The following ADAMTS9 variants were observed in gnomAD, a reference collection of about 807,000 sequenced individuals.
ADAMTS9 encodes the protein ADAM metallopeptidase with thrombospondin type 1 motif 9, also known as A disintegrin and metalloproteinase with thrombospondin motifs 9.
In ADAMTS9, 107 loss-of-function variants were observed where a neutral mutation model predicts 257.1. The ratio of observed to expected loss-of-function variants is 0.42; its 90% CI spans 0.36 to 0.49. The LOEUF (loss-of-function observed/expected upper bound fraction) is 0.49, where lower values mean the gene tolerates loss of function less well. Ranked by LOEUF, ADAMTS9 falls within the 20% of genes least tolerant of loss-of-function variation. The probability of loss-of-function intolerance (pLI) is 0.03; values close to 1 mark genes in which losing one functional copy is unlikely to be tolerated. For synonymous variants in ADAMTS9, 982 were observed against 880.9 expected, an observed-to-expected ratio of 1.11 and a Z score of -2.03; for missense variants, 2,353 against 2,469.1, an observed-to-expected ratio of 0.95 and a Z score of 1.00.
At chr3:64,523,751 T>A (rs978620661) in intron 38 of ADAMTS9, among the ~76,000 whole-genome samples, 14 of 152,202 alleles carry the variant, frequency 9.2e-5, no homozygotes, top group Admixed American at 4.6e-4. Context: ...TTTTGTGAAT[T>A]TTTTTGTCAG....
At chr3:64,551,770 G>A (rs931362083) in intron 30 of ADAMTS9, among the ~76,000 whole-genome samples, 4 of 152,136 alleles carry the variant, frequency 2.6e-5, no homozygotes, top group Non-Finnish European at 5.9e-5. Flanking sequence ...TCATAACATG[G>A]AACCAAACAA....
At position 64,533,283 on chromosome 3, in the gene ADAMTS9, AC is replaced by A; in HGVS notation, c.5614-14del. The stretch of plus-strand genomic sequence containing the variant: ...TGCTAAAACGACCCTGGAAAACACG[AC>A]CAACAAAAGAGATTTTCAGTCCATG... On this transcript the variant is annotated splice_polypyrimidine_tract_variant and intron_variant, in intron 37 of 39. Coordinates refer to ENST00000498707, the MANE Select transcript of ADAMTS9 (RefSeq NM_182920.2). 1 of 1,609,276 alleles carries A rather than the reference AC, an allele frequency of 6.2e-7. No homozygotes were observed. The highest frequency in any genetic ancestry group is 8.5e-7 in the Non-Finnish European group (1 of 1,175,646).
intron 25 of ADAMTS9, among the ~76,000 whole-genome samples, chr3:64,603,257 T>C (rs1023470621): frequency 1.3e-5 from 2 of 152,204 alleles, no homozygotes; most frequent in African/African-American, 4.8e-5. Context: ...CTCTGTTTCA[T>C]TGCACCTCTC....
chr3:64,627,294 G>C (rs1559799099), intron 16 of ADAMTS9, among the ~76,000 whole-genome samples: 1 of 152,000 alleles, frequency 6.6e-6, no homozygotes, highest in Non-Finnish European at 1.5e-5. Flanking sequence ...TGTGAGTAGG[G>C]AGAAAGAGAG....
chr3:64,604,150 A>G, intron 24 of ADAMTS9, 61 bp from the exon 25 acceptor site: 1 of 1,603,750 alleles, frequency 6.2e-7, no homozygotes, highest in South Asian at 1.1e-5. Context: ...ACTGGACAGT[A>G]GCCCACTTTC....
chr3:64,621,929 G>A (rs756650595), intron 18 of ADAMTS9, among the ~76,000 whole-genome samples: 74 of 151,978 alleles, frequency 4.9e-4, no homozygotes, highest in Admixed American at 5.9e-4. Context: ...ACCATGCTCT[G>A]GAAAATTACA....
chr3:64,601,833 TG>T, intron 26 of ADAMTS9, 110 bp downstream of exon 26: 1 of 1,304,798 alleles, frequency 7.7e-7, no homozygotes, highest in Non-Finnish European at 1.0e-6. Context: ...AAATGCACAA[TG>T]TCAATCCCTT....
At chr3:64,539,492 T>G (rs1051770575) in intron 36 of ADAMTS9, among the ~76,000 whole-genome samples, 198 bp from the exon 37 acceptor site, 1 of 152,222 alleles carries the variant, frequency 6.6e-6, no homozygotes, top group Non-Finnish European at 1.5e-5. Flanking sequence ...TTTGTGGTTC[T>G]GCGAGCTTCA....
Position 64,559,219 on chromosome 3 carries a change from A to G in ADAMTS9, c.4698+2359T>C, listed in dbSNP as rs2083382205. On this transcript the variant is annotated intron_variant, in intron 30 of 39. Transcript: ENST00000498707. ...CCAGTTACTGTCGTCCTTCACGCTC[A>G]GTCTTGCTGCTTTGGGGACATTCTG... Among the ~76,000 whole-genome samples the G allele has an allele frequency of 3.9e-5, 6 of 152,276 alleles. 1 individual carries two copies. In the South Asian group the frequency reaches 1.2e-3, roughly 32 times the overall value.
chr3:64,531,307 T>C (rs2082977930), intron 38 of ADAMTS9, among the ~76,000 whole-genome samples: 1 of 152,140 alleles, frequency 6.6e-6, no homozygotes, highest in Non-Finnish European at 1.5e-5. Context: ...TTATTTTGAT[T>C]AGGTAGAAGT....
chr3:64,608,919 G>C (rs775877241), intron 22 of ADAMTS9, among the ~76,000 whole-genome samples: 37 of 151,926 alleles, frequency 2.4e-4, no homozygotes, highest in Non-Finnish European at 4.1e-4. Flanking sequence ...TAAAAGGATA[G>C]TACATCATGG....
intron 3 of ADAMTS9, among the ~76,000 whole-genome samples, chr3:64,659,492 A>T (rs1157853583): frequency 2.0e-5 from 3 of 148,838 alleles, no homozygotes; most frequent in South Asian, 4.3e-4. Context: ...AAAAAAAAAA[A>T]GGAAATGTTT....
intron 4 of ADAMTS9, among the ~76,000 whole-genome samples, chr3:64,656,322 A>G (rs1208262738): frequency 6.6e-6 from 1 of 152,192 alleles, no homozygotes. Flanking sequence ...TTGCAGTATT[A>G]TAATTAATTA....
chr3:64,546,414 C>T (rs1161850350), intron 32 of ADAMTS9, among the ~76,000 whole-genome samples: 1 of 152,098 alleles, frequency 6.6e-6, no homozygotes, highest in Non-Finnish European at 1.5e-5. Flanking sequence ...ATTAGGGATG[C>T]TCAATCTGTG....
At chr3:64,617,050 A>T (rs983777216) in intron 19 of ADAMTS9, among the ~76,000 whole-genome samples, 1 of 152,174 alleles carries the variant, frequency 6.6e-6, no homozygotes. Context: ...TGGGCTATGG[A>T]GATTTTCCAA....
chr3:64,603,987 G>A lies in ADAMTS9; in HGVS notation c.3682C>T (p.Pro1228Ser), dbSNP rs151023601. ...DESACATLPR[P>S]VAKEECSVTP... ...ACAGAACATTCTTCCTTTGCCACTGGTCTAGGCAGGGTAGCACAGGCACTC... is the reference window on the plus strand; with the variant it reads ...ACAGAACATTCTTCCTTTGCCACTGATCTAGGCAGGGTAGCACAGGCACTC... Residue 1228 changes from proline (P) to serine (S), a missense_variant, in exon 25 of 40, where the codon CCA becomes TCA. Physicochemically the swap from Pro to Ser is moderately conservative, Grantham distance 74. Transcript: ENST00000498707. The A allele has an allele frequency of 1.9e-6, 3 of 1,613,982 alleles. No individual in the cohort carries two copies. The highest frequency in any genetic ancestry group is 2.5e-6 in the Non-Finnish European group (3 of 1,179,998).
At chr3:64,566,085 T>A (rs1392915707) in intron 29 of ADAMTS9, among the ~76,000 whole-genome samples, 1 of 152,206 alleles carries the variant, frequency 6.6e-6, no homozygotes, top group Non-Finnish European at 1.5e-5. Flanking sequence ...ACAGGATGAC[T>A]AGGCTGTAAC....
At chr3:64,627,970 T>G (rs1700267983) in intron 16 of ADAMTS9, among the ~76,000 whole-genome samples, 1 of 152,206 alleles carries the variant, frequency 6.6e-6, no homozygotes, top group Non-Finnish European at 1.5e-5. Flanking sequence ...CCAGACTTGA[T>G]GACAACATCA....
At chr3:64,613,607 C>T in intron 21 of ADAMTS9, 98 bp from the exon 22 acceptor site, 1 of 1,196,954 alleles carries the variant, frequency 8.4e-7, no homozygotes. Flanking sequence ...GTGTCCTTTT[C>T]CCACAGCAAT....
Sources: gnomAD v4.1 joint callset for allele counts (sites outside exome capture counted in the v4.1 genomes callset) on GRCh38, gnomAD v4.1.1 for gene constraint, MANE v1.5 for transcripts, NCBI Gene and HGNC (gene_info 2026-07-23, HGNC 2026-07-21) for gene names.